Variants in OGDH observed in about 807,000 individuals in gnomAD.
The protein encoded by OGDH is 2-oxoglutarate dehydrogenase complex component E1.
In OGDH, 38 loss-of-function variants were observed where a neutral mutation model predicts 116.6. The ratio of observed to expected loss-of-function variants is 0.33; its 90% CI spans 0.25 to 0.43. The LOEUF (loss-of-function observed/expected upper bound fraction) is 0.43. OGDH is among the 20% of genes least tolerant of loss of function. The pLI, the probability that OGDH is intolerant of heterozygous loss-of-function variation, is 1.00. For synonymous variants in OGDH, 488 were observed against 533.3 expected (o/e 0.92, Z 1.17); for missense variants, 825 against 1,357.2 (o/e 0.61, Z 6.16).
intron 10 of OGDH, among the ~76,000 whole-genome samples, chr7:44,684,899 CCTGT>C (rs563389776): frequency 9.4e-4 from 143 of 152,142 alleles, no homozygotes; most frequent in Non-Finnish European, 1.9e-3. Flanking sequence ...AAGCGATTCT[CCTGT>C]CTGTCTCCCA....
rs113117729 is a variant in OGDH at position 44,662,776 on chromosome 7, C to G, written c.518-3960C>G. 7.1e-3 allele frequency among the ~76,000 whole-genome samples: 1,078 copies of G among 152,232 alleles called. 10 individuals carry two copies. The highest frequency in any genetic ancestry group is 0.024 in the African/African-American group (1,017 of 41,556). ...TGTGCCCAGCCTATACCACTTCTTT[C>G]TACCCTCCATGGTTTCTGATGAGAA... On this transcript the variant is annotated intron_variant, in intron 4 of 22. Coordinates refer to ENST00000222673, the MANE Select transcript of OGDH (RefSeq NM_002541.4).
chr7:44,706,601 C>A (rs1260997592), intron 20 of OGDH, among the ~76,000 whole-genome samples: 3 of 148,694 alleles, frequency 2.0e-5, no homozygotes, highest in Non-Finnish European at 4.4e-5. Context: ...GATTTACAGG[C>A]GTGAGCCATG....
At chr7:44,616,179 T>G (rs539551407) in intron 1 of OGDH, among the ~76,000 whole-genome samples, 7 of 152,332 alleles carry the variant, frequency 4.6e-5, no homozygotes, top group Non-Finnish European at 8.8e-5. Flanking sequence ...ACACGTTTTA[T>G]ATATGCTTTA....
chr7:44,641,688 T>C (rs1785952349), intron 2 of OGDH, among the ~76,000 whole-genome samples: 1 of 152,200 alleles, frequency 6.6e-6, no homozygotes, highest in Admixed American at 6.5e-5. Flanking sequence ...GGCCAAGAAG[T>C]GCAGTCATTG....
intron 1 of OGDH, among the ~76,000 whole-genome samples, chr7:44,608,578 A>G (rs1370750384): frequency 6.6e-6 from 1 of 151,966 alleles, no homozygotes; most frequent in Non-Finnish European, 1.5e-5. Context: ...GTGGGCCTGT[A>G]GTCTCAGCTA....
In OGDH at chr7:44,614,528, G is replaced by GC. The variant is rs1341997495; in HGVS notation, c.-28+7877dup. Reference sequence around the variant, plus strand: ...TTAGATCTTTTGTTATTTCCCTGAGGCCTTGTTCTGTCTTCAAGTTCACTG... The same window carrying GC: ...TTAGATCTTTTGTTATTTCCCTGAGGCCCTTGTTCTGTCTTCAAGTTCACTG... On this transcript the variant is annotated intron_variant, in intron 1 of 22. Transcript: ENST00000222673. Among the ~76,000 whole-genome samples the GC allele has an allele frequency of 2.6e-5, 4 of 151,928 alleles. No individual in the cohort carries two copies. The East Asian group carries it at 7.7e-4, about 29-fold the overall frequency.
intron 4 of OGDH, among the ~76,000 whole-genome samples, chr7:44,655,941 C>T (rs958063751): frequency 2.0e-5 from 3 of 152,114 alleles, no homozygotes; most frequent in Non-Finnish European, 2.9e-5. Context: ...ATTTTCTTTT[C>T]CTCAATTTTC....
intron 2 of OGDH, among the ~76,000 whole-genome samples, chr7:44,626,848 T>G (rs2117308465): frequency 6.6e-6 from 1 of 152,252 alleles, no homozygotes; most frequent in South Asian, 2.1e-4. Flanking sequence ...ACAGGATGGT[T>G]AAAAGTGGGC....
At position 44,681,704 on chromosome 7, in the gene OGDH, C is replaced by T. The variant is rs1270332165; in HGVS notation, c.1207-16C>T. Reference sequence around the variant, plus strand: ...TCAGAACATTCTGGATTTGGGGTCTCCTTTGGTGTTTACAGGTCATGTCCA... The same window carrying T: ...TCAGAACATTCTGGATTTGGGGTCTTCTTTGGTGTTTACAGGTCATGTCCA... On this transcript the variant is annotated splice_polypyrimidine_tract_variant and intron_variant, in intron 9 of 22. Transcript: ENST00000222673. The T allele has an allele frequency of 6.2e-7, 1 of 1,612,010 alleles. No homozygotes were observed. The highest frequency in any genetic ancestry group is 1.7e-4 in the Middle Eastern group (1 of 6,044).
intron 9 of OGDH, among the ~76,000 whole-genome samples, chr7:44,678,457 T>G (rs1464237096): frequency 1.3e-5 from 2 of 152,054 alleles, no homozygotes; most frequent in Non-Finnish European, 2.9e-5. Flanking sequence ...GTAAAAGCAA[T>G]AGAGTATATT....
intron 1 of OGDH, among the ~76,000 whole-genome samples, chr7:44,610,163 G>A (rs1323510216): frequency 1.3e-5 from 2 of 152,010 alleles, no homozygotes; most frequent in Non-Finnish European, 2.9e-5. Context: ...TGTTCATTTC[G>A]TAATTAGATT....
intron 10 of OGDH, among the ~76,000 whole-genome samples, chr7:44,682,875 G>A (rs1787988114): frequency 6.6e-6 from 1 of 151,320 alleles, no homozygotes; most frequent in African/African-American, 2.4e-5. Flanking sequence ...TAGGCTGGGC[G>A]TGGTGGCTCA....
chr7:44,641,049 ACC>A (rs71011979), intron 2 of OGDH, among the ~76,000 whole-genome samples: 2,135 of 145,684 alleles, frequency 0.015, 17 homozygotes, highest in Non-Finnish European at 0.022. Flanking sequence ...ACACACCACC[ACC>A]CCCAGCTAAT....
At chr7:44,618,844 G>T (rs1213073411) in intron 1 of OGDH, among the ~76,000 whole-genome samples, 1 of 152,208 alleles carries the variant, frequency 6.6e-6, no homozygotes, top group Non-Finnish European at 1.5e-5. Context: ...ACCCACTTCA[G>T]GAGTCCTGCC....
chr7:44,620,569 C>G (rs908893877), intron 1 of OGDH, among the ~76,000 whole-genome samples: 2 of 152,232 alleles, frequency 1.3e-5, no homozygotes, highest in Admixed American at 6.5e-5. Flanking sequence ...GTCCCAGCAC[C>G]TTCAGTTGAA....
At chr7:44,626,405 G>A (rs1785211317) in intron 2 of OGDH, among the ~76,000 whole-genome samples, 1 of 151,642 alleles carries the variant, frequency 6.6e-6, no homozygotes, top group Non-Finnish European at 1.5e-5. Context: ...GAGCCCTGAG[G>A]TTTCAGAATC....
chr7:44,707,334 G>C lies in OGDH; in HGVS notation c.2742G>C (p.Arg914=), dbSNP rs775363405. ...CTGKVYYDLT[R]ERKARDMVGQ... ...GCAAAGTGTATTATGACCTCACCCGGGAGCGCAAAGCACGCGACATGGTGG... is the reference window on the plus strand; with the variant it reads ...GCAAAGTGTATTATGACCTCACCCGCGAGCGCAAAGCACGCGACATGGTGG... The change falls in exon 21 of 23, where the codon CGG becomes CGC. Residue 914 remains arginine, a synonymous_variant. Transcript: ENST00000222673. The surrounding 1 kb of genome is among the most constrained non-coding windows in gnomAD (Gnocchi z 5.2). The C allele has an allele frequency of 1.2e-6, 2 of 1,614,150 alleles. No individual in the cohort carries two copies. The highest frequency in any genetic ancestry group is 4.5e-5 in the East Asian group (2 of 44,900).
chr7:44,699,029 A>C (rs978021051), intron 18 of OGDH, among the ~76,000 whole-genome samples: 1 of 151,590 alleles, frequency 6.6e-6, no homozygotes, highest in Non-Finnish European at 1.5e-5. Context: ...CTGTAATCCC[A>C]GCTAGTCTGA....
intron 2 of OGDH, among the ~76,000 whole-genome samples, chr7:44,628,414 T>G (rs1785290982): frequency 2.0e-5 from 3 of 151,378 alleles, no homozygotes; most frequent in Admixed American, 2.0e-4. Context: ...CACTTTATAA[T>G]TGGTCGTTGT....
Sources: allele counts gnomAD v4.1 joint callset (sites outside exome capture counted in the v4.1 genomes callset), GRCh38; gene constraint gnomAD v4.1.1; non-coding constraint Gnocchi (gnomAD v3.1); transcripts MANE v1.5; gene names NCBI Gene and HGNC (gene_info 2026-07-23, HGNC 2026-07-21).